The following NT5M variants were observed in gnomAD, a reference collection of about 807,000 sequenced individuals.
The protein encoded by NT5M is 5'(3')-deoxyribonucleotidase, mitochondrial.
In NT5M, 22 loss-of-function variants were observed where a neutral mutation model predicts 22.2. That is an observed-to-expected ratio of 0.99 (90% confidence interval 0.71 to 1.41). The LOEUF is 1.41. Ranked by LOEUF, NT5M falls within the 40% of genes most tolerant of loss-of-function variation. The pLI is 0.00. For missense variants in NT5M, 322 were observed against 314.8 expected (o/e 1.02, Z -0.17); for synonymous variants, 167 against 133.0 (o/e 1.26, Z -1.76).
chr17:17,323,971 A>G (rs772488561), intron 3 of NT5M, among the ~76,000 whole-genome samples: 18 of 152,082 alleles, frequency 1.2e-4, no homozygotes, highest in Non-Finnish European at 2.4e-4. Context: ...CACTGGGTTC[A>G]AGCAATTCTC....
At chr17:17,329,937 A>AC (rs2049341405) in intron 3 of NT5M, among the ~76,000 whole-genome samples, 1 of 152,170 alleles carries the variant, frequency 6.6e-6, no homozygotes, top group African/African-American at 2.4e-5. Context: ...ATGCCACTGC[A>AC]TTACAGCCTT....
chr17:17,318,292 C>G (rs1416797771), intron 2 of NT5M, among the ~76,000 whole-genome samples: 1 of 151,594 alleles, frequency 6.6e-6, no homozygotes, highest in African/African-American at 2.4e-5. Context: ...GCCAGTGCCA[C>G]ACGGCGAAAC....
chr17:17,309,675 C>A (rs1597744357), intron 2 of NT5M, among the ~76,000 whole-genome samples: 1 of 121,032 alleles, frequency 8.3e-6, no homozygotes, highest in Non-Finnish European at 1.7e-5. Context: ...GCTCAAGCAT[C>A]TTTTTTTTTT....
chr17:17,309,960 G>T (rs1354632346), intron 2 of NT5M, among the ~76,000 whole-genome samples: 1 of 151,834 alleles, frequency 6.6e-6, no homozygotes, highest in Non-Finnish European at 1.5e-5. Flanking sequence ...GAGTAGCTGG[G>T]ACTACAGGCA....
At chr17:17,303,939 T>A in intron 1 of NT5M, 122 bp downstream of exon 1, 1 of 1,312,960 alleles carries the variant, frequency 7.6e-7, no homozygotes, top group Non-Finnish European at 9.7e-7. Flanking sequence ...TCTGATAGAA[T>A]AGGGTCTGGG....
chr17:17,344,215 C>T (rs1458557586), intron 3 of NT5M, among the ~76,000 whole-genome samples: 1 of 152,182 alleles, frequency 6.6e-6, no homozygotes, highest in South Asian at 2.1e-4. Context: ...TAGGGGTGCC[C>T]CTGTGGTCAG....
At chr17:17,314,191 G>C (rs556816545) in intron 2 of NT5M, among the ~76,000 whole-genome samples, 12 of 151,878 alleles carry the variant, frequency 7.9e-5, no homozygotes, top group Non-Finnish European at 1.6e-4. Flanking sequence ...CCGCCACCAC[G>C]CCCGGCTAAT....
chr17:17,325,921 T>G (rs1044485957), intron 3 of NT5M, among the ~76,000 whole-genome samples: 1 of 152,192 alleles, frequency 6.6e-6, no homozygotes, highest in African/African-American at 2.4e-5. Context: ...CCACTTGAAA[T>G]GGGTTTGTGT....
intron 2 of NT5M, among the ~76,000 whole-genome samples, chr17:17,312,919 G>T (rs1432749027): frequency 6.6e-6 from 1 of 152,040 alleles, no homozygotes; most frequent in Non-Finnish European, 1.5e-5. Context: ...GCTGCAGTGA[G>T]CTATGATCAC....
At chr17:17,321,891 G>A (rs1255602239) in intron 2 of NT5M, among the ~76,000 whole-genome samples, 1 of 152,014 alleles carries the variant, frequency 6.6e-6, no homozygotes, top group Non-Finnish European at 1.5e-5. Flanking sequence ...TTGCTGAAGC[G>A]TCGTGGGTGG....
chr17:17,319,300 G>A (rs560646903), intron 2 of NT5M, among the ~76,000 whole-genome samples: 83 of 152,152 alleles, frequency 5.5e-4, no homozygotes, highest in African/African-American at 2.0e-3. Context: ...GAGGGGCTGT[G>A]GGAATGACTG....
chr17:17,338,384 G>A (rs1026951622), intron 3 of NT5M, among the ~76,000 whole-genome samples: 8 of 152,006 alleles, frequency 5.3e-5, no homozygotes, highest in Admixed American at 2.6e-4. Flanking sequence ...GTAGAGATGG[G>A]GTTTCACCAC....
chr17:17,329,938 T>C (rs9915883), intron 3 of NT5M, among the ~76,000 whole-genome samples: 36,935 of 151,910 alleles, frequency 0.24, 4,943 homozygotes, highest in African/African-American at 0.35. Flanking sequence ...TGCCACTGCA[T>C]TACAGCCTTA....
intron 3 of NT5M, among the ~76,000 whole-genome samples, chr17:17,337,252 G>T (rs1027486076): frequency 2.0e-5 from 3 of 152,006 alleles, no homozygotes; most frequent in African/African-American, 7.2e-5. Flanking sequence ...CTTTTGTTTT[G>T]TGTTGTTGAG....
Position 17,319,912 on chromosome 17 carries a change from G to A in NT5M, c.369-3273G>A, listed in dbSNP as rs186418309. Among the ~76,000 whole-genome samples the A allele has an allele frequency of 3.1e-3, 466 of 152,134 alleles. 1 individual carries two copies. The highest frequency in any genetic ancestry group is 0.011 in the African/African-American group (445 of 41,480). ...GGCTGGAGTGCAGTGGTGTGATCTC[G>A]GCTCACTGCAACCTCCGCCTTTTGG... is the stretch of plus-strand genomic sequence containing the variant. On this transcript the variant is annotated intron_variant, in intron 2 of 4. Coordinates refer to ENST00000389022, the MANE Select transcript of NT5M (RefSeq NM_020201.4).
At chr17:17,335,914 G>A (rs1448944869) in intron 3 of NT5M, among the ~76,000 whole-genome samples, 1 of 151,728 alleles carries the variant, frequency 6.6e-6, no homozygotes, top group African/African-American at 2.4e-5. Flanking sequence ...TTACAGGCAT[G>A]AGCCACCACG....
Position 17,347,268 on chromosome 17 carries a change from C to G in NT5M, c.*321C>G, listed in dbSNP as rs1225226114. Reference sequence around the variant, plus strand: ...GGCCACTGTTCAGGGGGCTGGTGGCCGTCTCCACTCCCTAGGCAAGTTCTC... The same window carrying G: ...GGCCACTGTTCAGGGGGCTGGTGGCGGTCTCCACTCCCTAGGCAAGTTCTC... On this transcript the variant is annotated 3_prime_UTR_variant, in exon 5 of 5. Coordinates refer to ENST00000389022, the MANE Select transcript of NT5M (RefSeq NM_020201.4). 9.7e-6 allele frequency: 3 copies of G among 307,712 alleles called. No individual in the cohort carries two copies. Among genetic ancestry groups the G allele is most frequent in the Non-Finnish European group, 1.8e-5 (3 of 166,516 alleles). 19.1% of individuals were successfully genotyped at this position (307,712 alleles called of 1,614,324 possible).
chr17:17,323,868 G>T (rs983698383), intron 3 of NT5M, among the ~76,000 whole-genome samples: 1 of 152,048 alleles, frequency 6.6e-6, no homozygotes, highest in Non-Finnish European at 1.5e-5. Context: ...TGACCTTTCC[G>T]CTCTGGATTC....
At position 17,344,787 on chromosome 17, in the gene NT5M, C is replaced by T. The variant is rs774356087; in HGVS notation, c.430-7C>T. The T allele has an allele frequency of 2.9e-5, 46 of 1,613,464 alleles. No individual in the cohort carries two copies. Among genetic ancestry groups the T allele is most frequent in the African/African-American group, 8.0e-5 (6 of 74,936 alleles). On this transcript the variant is annotated splice_region_variant and splice_polypyrimidine_tract_variant and intron_variant, in intron 3 of 4. Transcript: ENST00000389022. ...CTCACCACCTGCCCTTGCCTGTTTG[C>T]GTCCAGTATGCCTGGGTGGAGAAGT...
Sources: allele counts gnomAD v4.1 joint callset (sites outside exome capture counted in the v4.1 genomes callset), GRCh38; gene constraint gnomAD v4.1.1; transcripts MANE v1.5; gene names NCBI Gene and HGNC (gene_info 2026-07-23, HGNC 2026-07-21).